Variants in CHST4 observed in about 807,000 individuals in gnomAD.
The protein encoded by CHST4 is carbohydrate sulfotransferase 4.
For synonymous variants in CHST4, 171 were observed against 195.5 expected, an observed-to-expected ratio of 0.87 and a Z score of 1.05; for missense variants, 466 against 506.0, an observed-to-expected ratio of 0.92 and a Z score of 0.76.
chr16:71,537,872 C>T lies in CHST4; in HGVS notation c.*34C>T. The T allele has an allele frequency of 6.4e-7, 1 of 1,559,500 alleles. No homozygotes were observed. The highest frequency in any genetic ancestry group is 8.7e-7 in the Non-Finnish European group (1 of 1,150,644). ...AGAAGGCTTTGCTGCCACCTGGTGT[C>T]AGCCTCAGTCACTTTCTCTGAATGC... On this transcript the variant is annotated 3_prime_UTR_variant, in exon 2 of 2. Transcript: ENST00000539698. This position sits in a 1 kb window ranked among gnomAD's most constrained non-coding sequence, Gnocchi z 4.2.
chr16:71,532,582 A>G (rs1439374433), intron 1 of CHST4, among the ~76,000 whole-genome samples: 1 of 152,190 alleles, frequency 6.6e-6, no homozygotes, highest in African/African-American at 2.4e-5. Context: ...CAGAAGGTTC[A>G]GGGGACTTCC....
intron 1 of CHST4, among the ~76,000 whole-genome samples, chr16:71,527,023 T>C (rs551228390): frequency 1.3e-5 from 2 of 152,312 alleles, no homozygotes; most frequent in South Asian, 4.2e-4. Flanking sequence ...TAAAGTTTAG[T>C]TTATTTATTC....
At chr16:71,531,678 C>A (rs1189212343) in intron 1 of CHST4, among the ~76,000 whole-genome samples, 2 of 152,154 alleles carry the variant, frequency 1.3e-5, no homozygotes, top group African/African-American at 2.4e-5. Context: ...TGGCCCCAAG[C>A]AGGATGGAGG....
Position 71,537,370 on chromosome 16 carries a change from G to A in CHST4, c.693G>A (p.Gln231=). 1 of 1,614,150 alleles carries A rather than the reference G, an allele frequency of 6.2e-7. No homozygotes were observed. The highest frequency in any genetic ancestry group is 1.1e-5 in the South Asian group (1 of 91,076). The change falls in exon 2 of 2, where the codon CAG becomes CAA. Residue 231 remains glutamine (Q), a synonymous_variant. Transcript: ENST00000539698. This position sits in a 1 kb window ranked among gnomAD's most constrained non-coding sequence, Gnocchi z 4.2. ...LMIDSRIVMG[Q]HEQKLKKEDQ... Reference sequence around the variant, plus strand: ...TTGACAGTCGCATTGTGATGGGGCAGCATGAGCAAAAACTCAAGAAGGAGG... The same window carrying A: ...TTGACAGTCGCATTGTGATGGGGCAACATGAGCAAAAACTCAAGAAGGAGG...
In CHST4 at chr16:71,538,702, T is replaced by G. The variant is rs938611876; in HGVS notation, c.*864T>G. On this transcript the variant is annotated 3_prime_UTR_variant, in exon 2 of 2. Coordinates refer to ENST00000539698, the MANE Select transcript of CHST4 (RefSeq NM_001166395.2). Reference sequence around the variant, plus strand: ...ATTTGGTTTCAGATGATGAACTAAGTCTATACCCTCTTAAGAATTGGTGGA... The same window carrying G: ...ATTTGGTTTCAGATGATGAACTAAGGCTATACCCTCTTAAGAATTGGTGGA... 6.4e-6 allele frequency: 1 copy of G among 156,112 alleles called. No homozygotes were observed. The highest frequency in any genetic ancestry group is 2.4e-5 in the African/African-American group (1 of 41,466). 9.7% of individuals were successfully genotyped at this position (156,112 alleles called of 1,614,324 possible).
intron 1 of CHST4, among the ~76,000 whole-genome samples, chr16:71,536,002 T>C (rs1391391229): frequency 6.6e-6 from 1 of 152,148 alleles, no homozygotes; most frequent in Non-Finnish European, 1.5e-5. Context: ...GATAAATAGA[T>C]GACAGGCACC....
intron 1 of CHST4, among the ~76,000 whole-genome samples, chr16:71,532,353 G>A (rs1386676121): frequency 3.3e-5 from 5 of 151,896 alleles, no homozygotes; most frequent in Admixed American, 2.6e-4. Flanking sequence ...GGCCTAGCTG[G>A]TCCTGTTCTA....
chr16:71,532,208 T>C (rs530510068), intron 1 of CHST4, among the ~76,000 whole-genome samples: 12 of 152,018 alleles, frequency 7.9e-5, no homozygotes, highest in East Asian at 3.9e-4. Context: ...CCACCACGCC[T>C]GGCTAATTTT....
chr16:71,528,149 C>T (rs2043921435), intron 1 of CHST4, among the ~76,000 whole-genome samples: 1 of 150,278 alleles, frequency 6.7e-6, no homozygotes, highest in South Asian at 2.1e-4. Context: ...ACTCGGGAGG[C>T]TGAGGCAGGA....
rs773479311 is a variant in CHST4, at chr16:71,536,655, T to G, written c.-18-5T>G. ...AACTCCACCCTTTCTGTTTGTTCCTTAAAGGTCTTCCACTTCAGCACAATG... is the reference window on the plus strand; with the variant it reads ...AACTCCACCCTTTCTGTTTGTTCCTGAAAGGTCTTCCACTTCAGCACAATG... On this transcript the variant is annotated splice_region_variant and splice_polypyrimidine_tract_variant and intron_variant, in intron 1 of 1. Transcript: ENST00000539698. 6 of 1,422,136 alleles carry G rather than the reference T, an allele frequency of 4.2e-6. No homozygotes were observed. In the East Asian group the frequency reaches 1.5e-4, roughly 35 times the overall value. 88.1% of individuals were successfully genotyped at this position (1,422,136 alleles called of 1,614,324 possible).
intron 1 of CHST4, among the ~76,000 whole-genome samples, chr16:71,529,543 ATTTTTTTTTTTTTTTTTT>A (rs1157747412): frequency 1.2e-4 from 5 of 41,330 alleles, no homozygotes; most frequent in Non-Finnish European, 2.1e-4. Flanking sequence ...ATGCTCATCT[ATTTTTTTTTTTTTTTTTT>A]TTTTTTTTTT....
At position 71,536,906 on chromosome 16, in the gene CHST4, C is replaced by A; in HGVS notation, c.229C>A (p.His77Asn). ...TTTCTACCTGATGGAGCCCGCCTGGCACGTGTGGATGACCTTCAAGCAGAG... is the reference window on the plus strand; with the variant it reads ...TTTCTACCTGATGGAGCCCGCCTGGAACGTGTGGATGACCTTCAAGCAGAG... ...DVFYLMEPAW[H>N]VWMTFKQSTA... The change falls in exon 2 of 2, where the codon CAC becomes AAC. Residue 77 changes from histidine (H) to asparagine (N), a missense_variant. By Grantham distance (68) the His-to-Asn change is moderately conservative. Coordinates refer to ENST00000539698, the MANE Select transcript of CHST4 (RefSeq NM_001166395.2). The A allele has an allele frequency of 6.2e-7, 1 of 1,602,144 alleles. No homozygotes were observed. The highest frequency in any genetic ancestry group is 1.1e-5 in the South Asian group (1 of 89,548).
intron 1 of CHST4, among the ~76,000 whole-genome samples, chr16:71,534,700 A>G (rs2043975098): frequency 6.6e-6 from 1 of 152,174 alleles, no homozygotes; most frequent in South Asian, 2.1e-4. Flanking sequence ...AAATAAATAA[A>G]TAAATAATAA....
chr16:71,535,145 T>C (rs2043977895), intron 1 of CHST4, among the ~76,000 whole-genome samples: 1 of 152,178 alleles, frequency 6.6e-6, no homozygotes, highest in South Asian at 2.1e-4. Flanking sequence ...ACCATCTTAA[T>C]ATACTTATTT....
chr16:71,527,475 G>A (rs750698302), intron 1 of CHST4, among the ~76,000 whole-genome samples: 1 of 152,320 alleles, frequency 6.6e-6, no homozygotes, highest in Non-Finnish European at 1.5e-5. Context: ...AGCCAGGCGC[G>A]ATGGCTCGCG....
intron 1 of CHST4, among the ~76,000 whole-genome samples, chr16:71,527,695 G>A (rs2043918771): frequency 6.6e-6 from 1 of 152,042 alleles, no homozygotes. Flanking sequence ...AGTGAGCCGA[G>A]ATCCTGCCAT....
intron 1 of CHST4, among the ~76,000 whole-genome samples, chr16:71,534,666 C>A (rs887064077): frequency 1.3e-5 from 2 of 152,044 alleles, no homozygotes; most frequent in African/African-American, 4.8e-5. Flanking sequence ...CCATGAGCAA[C>A]ATTTCAAGAC....
At position 71,537,504 on chromosome 16, in the gene CHST4, A is replaced by G. The variant is rs757110379; in HGVS notation, c.827A>G (p.Tyr276Cys). ...ALQERYLLVRYEDLARAPVAQ... is the reference protein window; with the variant it reads ...ALQERYLLVRCEDLARAPVAQ... ...CAGGAACGCTACCTGCTTGTGCGCT[A>G]TGAGGACCTGGCTCGAGCCCCTGTG... The change falls in exon 2 of 2, where the codon TAT becomes TGT. Residue 276 changes from tyrosine (Y) to cysteine (C), a missense_variant. Coordinates refer to ENST00000539698, the MANE Select transcript of CHST4 (RefSeq NM_001166395.2). This position sits in a 1 kb window ranked among gnomAD's most constrained non-coding sequence, Gnocchi z 4.2. 6 of 1,614,076 alleles carry G rather than the reference A, an allele frequency of 3.7e-6. No homozygotes were observed. The highest frequency in any genetic ancestry group is 1.3e-5 in the African/African-American group (1 of 74,936).
chr16:71,537,583 T>C lies in CHST4; in HGVS notation c.906T>C (p.Leu302=), dbSNP rs943326153. The change falls in exon 2 of 2, where the codon CTT becomes CTC. Residue 302 remains leucine (L), a synonymous_variant. Transcript: ENST00000539698. The surrounding 1 kb of genome is among the most constrained non-coding windows in gnomAD (Gnocchi z 4.2). ...EFVGLEFLPH[L]QTWVHNITRG... is the part of the protein sequence containing the mutation. ...TGGGATTGGAATTCTTGCCCCATCT[T>C]CAGACCTGGGTGCATAACATCACCC... The C allele has an allele frequency of 6.2e-7, 1 of 1,614,178 alleles. No homozygotes were observed. The highest frequency in any genetic ancestry group is 8.5e-7 in the Non-Finnish European group (1 of 1,180,032).
Sources: gnomAD v4.1 joint callset for allele counts (sites outside exome capture counted in the v4.1 genomes callset) on GRCh38, gnomAD v4.1.1 for gene constraint, Gnocchi (gnomAD v3.1) non-coding constraint, MANE v1.5 for transcripts, NCBI Gene and HGNC (gene_info 2026-07-23, HGNC 2026-07-21) for gene names.